CST2: variants seen among roughly 807,000 people sequenced by gnomAD.
CST2 encodes the protein cystatin SA.
Under a neutral mutation model 13.4 loss-of-function variants are expected in CST2, and 26 were observed. The observed-to-expected ratio is 1.95, with a 90% CI of 1.43 to 2.70. CST2 has a LOEUF of 2.70. Among genes scored for constraint, CST2 ranks in the 30% most tolerant of loss-of-function variants. The probability of loss-of-function intolerance (pLI) is 0.00; values close to 1 mark genes in which losing one functional copy is unlikely to be tolerated. For missense variants in CST2, 243 were observed against 173.4 expected (o/e 1.40, Z -2.25); for synonymous variants, 105 against 71.1 (o/e 1.48, Z -2.40).
In CST2 at chr20:23,826,547, G is replaced by T. The variant is rs373802985; in HGVS notation, c.114C>A (p.Asp38Glu). 2.5e-6 allele frequency: 4 copies of T among 1,614,152 alleles called. No homozygotes were observed. Among genetic ancestry groups the T allele is most frequent in the South Asian group, 1.1e-5 (1 of 91,080 alleles). The part of the protein sequence containing the change: ...RIIEGGIYDA[D>E]LNDERVQRAL... ...CACGCTGTACCCGCTCATCATTGAG[G>T]TCTGCATCATAGATGCCACCCTCGA... Residue 38 changes from aspartate (D) to glutamate (E), a missense_variant, in exon 1 of 3, where the codon GAC (aspartate) becomes GAA (glutamate). By Grantham distance (45) the Asp-to-Glu change is conservative. Transcript: ENST00000304725.
At position 23,826,615 on chromosome 20, in the gene CST2, C is replaced by A. The variant is rs148108132; in HGVS notation, c.46G>T (p.Ala16Ser). Residue 16 changes from alanine to serine, a missense_variant, in exon 1 of 3, where the codon GCT (alanine) becomes TCT (serine). Ala to Ser is a moderately conservative substitution (Grantham distance 99, BLOSUM62 1). Transcript: ENST00000304725. ...TGGGGGCTCCAGGCCAGGGCCACAG[C>A]CTGGGTGGCCAGCAGGAGCAGCAGG... ...CTLLLLLATQ[A>S]VALAWSPQEE... The A allele has an allele frequency of 2.5e-6, 4 of 1,612,808 alleles. No homozygotes were observed. The South Asian group carries it at 4.4e-5, about 18-fold the overall frequency.
chr20:23,826,494 T>C lies in CST2; in HGVS notation c.167A>G (p.Asn56Ser), dbSNP rs150531257. The change falls in exon 1 of 3, where the codon AAC becomes AGC. Residue 56 changes from asparagine (N) to serine (S), a missense_variant. Physicochemically the swap from Asn to Ser is conservative, Grantham distance 46 (BLOSUM62 1). Coordinates refer to ENST00000304725, the MANE Select transcript of CST2 (RefSeq NM_001322.3). Reference protein sequence around the residue: ...RALHFVISEYNKATEDEYYRR... With the variant: ...RALHFVISEYSKATEDEYYRR... The stretch of plus-strand genomic sequence containing the variant: ...GTAGTACTCATCTTCAGTGGCCTTG[T>C]TATACTCGCTGATGACAAAGTGAAG... The C allele has an allele frequency of 4.3e-6, 7 of 1,614,058 alleles. No individual in the cohort carries two copies. The highest frequency in any genetic ancestry group is 5.9e-6 in the Non-Finnish European group (7 of 1,180,024).
Position 23,826,641 on chromosome 20 carries a change from G to A in CST2, c.20C>T (p.Thr7Ile). 3 of 1,607,508 alleles carry A rather than the reference G, an allele frequency of 1.9e-6. No individual in the cohort carries two copies. Among genetic ancestry groups the A allele is most frequent in the Non-Finnish European group, 2.5e-6 (3 of 1,177,456 alleles). MAWPLC[T>I]LLLLLATQAV... ...CTGGGTGGCCAGCAGGAGCAGCAGGGTGCACAGGGGCCAGGCCATGGTCTC... is the reference window on the plus strand; with the variant it reads ...CTGGGTGGCCAGCAGGAGCAGCAGGATGCACAGGGGCCAGGCCATGGTCTC... The change falls in exon 1 of 3, where the codon ACC (threonine) becomes ATC (isoleucine). Residue 7 changes from threonine to isoleucine, a missense_variant. By Grantham distance (89) the Thr-to-Ile change is moderately conservative. Coordinates refer to ENST00000304725, the MANE Select transcript of CST2 (RefSeq NM_001322.3).
Position 23,823,981 on chromosome 20 carries a change from G to GCTCC in CST2, c.*38_*39insGGAG. The GCTCC allele has an allele frequency of 6.2e-7, 1 of 1,606,864 alleles. No individual in the cohort carries two copies. ...GGGGTGGGAGCACTACAAGGGGTGG[G>GCTCC]AGTAGGAGGTGGTCAGTGTGACTCC... On this transcript the variant is annotated 3_prime_UTR_variant, in exon 3 of 3. Transcript: ENST00000304725.
chr20:23,825,546 A>G (rs35969757), intron 1 of CST2, among the ~76,000 whole-genome samples: 32,739 of 152,184 alleles, frequency 0.22, 3,905 homozygotes, highest in East Asian at 0.38. Context: ...AAAAGGATTC[A>G]TTGAATTCTG....
chr20:23,825,440 A>T (rs971697396), intron 1 of CST2, 117 bp from the exon 2 acceptor site: 3 of 1,032,174 alleles, frequency 2.9e-6, no homozygotes, highest in African/African-American at 3.1e-5. Context: ...AGCTGCCCAC[A>T]TGTCAACACA....
At chr20:23,825,154 A>C in intron 2 of CST2, 56 bp downstream of exon 2, 3 of 1,604,422 alleles carry the variant, frequency 1.9e-6, no homozygotes, top group Non-Finnish European at 2.6e-6. Context: ...AGAGACTGAC[A>C]CATACGCACC....
Position 23,825,281 on chromosome 20 carries a change from G to A in CST2, c.271C>T (p.Arg91Ter), listed in dbSNP as rs6049157. 2,887 of 1,613,916 alleles carry A rather than the reference G, an allele frequency of 1.8e-3. 31 individuals are homozygous for A. The African/African-American group carries it at 0.032, about 18-fold the overall frequency. Residue 91 changes from arginine to a stop codon, truncating the protein, a stop_gained, in exon 2 of 3, where the codon CGA becomes TGA. Coordinates refer to ENST00000304725, the MANE Select transcript of CST2 (RefSeq NM_001322.3). LOFTEE classifies it high-confidence loss of function. Reference sequence around the variant, plus strand: ...GGCTGGGACTTGGTACATATGGTTCGGCCCACCTCTATGTCGAAGAAGTAA... The same window carrying A: ...GGCTGGGACTTGGTACATATGGTTCAGCCCACCTCTATGTCGAAGAAGTAA... ...VNYFFDIEVGRTICTKSQPNL... is the reference protein window; with the variant it reads ...VNYFFDIEVG
At chr20:23,825,731 A>T (rs1203735902) in intron 1 of CST2, among the ~76,000 whole-genome samples, 1 of 152,164 alleles carries the variant, frequency 6.6e-6, no homozygotes, top group Non-Finnish European at 1.5e-5. Context: ...GGCACCAGGG[A>T]GTGCACCTCC....
intron 1 of CST2, among the ~76,000 whole-genome samples, chr20:23,825,676 G>A (rs571474027): frequency 6.6e-6 from 1 of 152,342 alleles, no homozygotes; most frequent in African/African-American, 2.4e-5. Flanking sequence ...TTCACTCCAA[G>A]TTATTGTCAT....
In CST2 at chr20:23,826,462, G is replaced by A. The variant is rs1233607611; in HGVS notation, c.199C>T (p.Leu67=). The part of the protein sequence containing the change: ...KATEDEYYRR[L]LRVLRAREQI... ...TCCCTGGCTCGTAGCACCCGCAGCA[G>A]GCGTCTGTAGTACTCATCTTCAGTG... Residue 67 remains leucine, a synonymous_variant, in exon 1 of 3, where the codon CTG becomes TTG. Transcript: ENST00000304725. The A allele has an allele frequency of 6.2e-7, 1 of 1,614,178 alleles. No individual in the cohort carries two copies. The highest frequency in any genetic ancestry group is 2.2e-5 in the East Asian group (1 of 44,876).
intron 2 of CST2, among the ~76,000 whole-genome samples, chr20:23,824,742 GC>G (rs945733134): frequency 7.2e-5 from 11 of 152,060 alleles, no homozygotes; most frequent in Admixed American, 7.2e-4. Context: ...CCAGCACACA[GC>G]CCCACAGCTG....
rs757628998 is a variant in CST2, at chr20:23,825,336, G to C, written c.229-13C>G. ...CCCCGCCCACGATCTACACACATGA[G>C]AAAACAGGATGCACGGACAGCGCCC... On this transcript the variant is annotated splice_polypyrimidine_tract_variant and intron_variant, in intron 1 of 2. Transcript: ENST00000304725. The C allele has an allele frequency of 6.2e-7, 1 of 1,613,900 alleles. No homozygotes were observed. Among genetic ancestry groups the C allele is most frequent in the South Asian group, 1.1e-5 (1 of 91,050 alleles).
intron 1 of CST2, 123 bp downstream of exon 1, chr20:23,826,310 A>T: frequency 1.2e-6 from 1 of 808,124 alleles, no homozygotes; most frequent in Non-Finnish European, 2.0e-6. Flanking sequence ...AGTCAGGGAA[A>T]GCTGAATGAA....
At chr20:23,824,202 G>T (rs1984754798) in intron 2 of CST2, 99 bp from the exon 3 acceptor site, 1 of 1,242,666 alleles carries the variant, frequency 8.0e-7, no homozygotes, top group Admixed American at 1.9e-5. Context: ...GAGGATGGAG[G>T]TGAGACACTG....
rs372597390 is a variant in CST2 at position 23,825,182 on chromosome 20, T to C, written c.342+28A>G. On this transcript the variant is annotated intron_variant, in intron 2 of 2. Transcript: ENST00000304725. The stretch of plus-strand genomic sequence containing the variant: ...TACGCACCCCTCTGCAGTGCATGAC[T>C]GGCCTGGGACCCGCATCAGGAACGT... The C allele has an allele frequency of 1.2e-5, 20 of 1,613,786 alleles. No homozygotes were observed. The African/African-American group carries it at 2.4e-4, about 19-fold the overall frequency.
Position 23,826,603 on chromosome 20 carries a change from C to G in CST2, c.58G>C (p.Ala20Pro). Residue 20 changes from alanine to proline, a missense_variant, in exon 1 of 3, where the codon GCC (alanine) becomes CCC (proline). Coordinates refer to ENST00000304725, the MANE Select transcript of CST2 (RefSeq NM_001322.3). Reference sequence around the variant, plus strand: ...CTGTCCTCCTCCTGGGGGCTCCAGGCCAGGGCCACAGCCTGGGTGGCCAGC... The same window carrying G: ...CTGTCCTCCTCCTGGGGGCTCCAGGGCAGGGCCACAGCCTGGGTGGCCAGC... ...LLLATQAVAL[A>P]WSPQEEDRII... The G allele has an allele frequency of 6.2e-7, 1 of 1,613,378 alleles. No individual in the cohort carries two copies.
At chr20:23,824,324 C>T (rs1426452475) in intron 2 of CST2, among the ~76,000 whole-genome samples, 1 of 152,136 alleles carries the variant, frequency 6.6e-6, no homozygotes, top group Non-Finnish European at 1.5e-5. Context: ...GCCCCCACCG[C>T]AGCCTGCAGT....
rs1984740597 is a variant in CST2, at chr20:23,823,865, C to T, written c.*155G>A. 17 of 732,694 alleles carry T rather than the reference C, an allele frequency of 2.3e-5. No homozygotes were observed. The highest frequency in any genetic ancestry group is 3.4e-5 in the Non-Finnish European group (15 of 436,002). 45.4% of individuals were successfully genotyped at this position (732,694 alleles called of 1,614,324 possible). On this transcript the variant is annotated 3_prime_UTR_variant, in exon 3 of 3. Transcript: ENST00000304725. ...GAAGGAGGGAGGGCAGAGTCCCCTG[C>T]TGAGCAACAAAGGCCTCCTGCAGCC... is the stretch of plus-strand genomic sequence containing the variant.
Sources: gnomAD v4.1 joint callset for allele counts (sites outside exome capture counted in the v4.1 genomes callset) on GRCh38, gnomAD v4.1.1 for gene constraint, MANE v1.5 for transcripts, NCBI Gene and HGNC (gene_info 2026-07-23, HGNC 2026-07-21) for gene names.